Variants in ATIC observed in about 807,000 individuals in gnomAD.
ATIC encodes the protein bifunctional purine biosynthesis protein ATIC.
Under a neutral mutation model 72.5 loss-of-function variants are expected in ATIC, and 64 were observed. The observed-to-expected ratio is 0.88, with a 90% CI of 0.72 to 1.09. The LOEUF (loss-of-function observed/expected upper bound fraction) is 1.09, where lower values mean the gene tolerates loss of function less well. Ranked by LOEUF, ATIC falls within the 50% of genes least tolerant of loss-of-function variation. The pLI is 0.00. For synonymous variants in ATIC, 281 were observed against 267.1 expected, an observed-to-expected ratio of 1.05 and a Z score of -0.51; for missense variants, 787 against 732.4, an observed-to-expected ratio of 1.07 and a Z score of -0.86.
intron 11 of ATIC, among the ~76,000 whole-genome samples, chr2:215,336,834 G>T (rs955175041): frequency 2.0e-5 from 3 of 152,146 alleles, no homozygotes; most frequent in Non-Finnish European, 2.9e-5. Context: ...AATTGATACT[G>T]CCCCTTTTAG....
At chr2:215,322,521 G>A (rs1275958577) in intron 4 of ATIC, among the ~76,000 whole-genome samples, 1 of 150,228 alleles carries the variant, frequency 6.7e-6, no homozygotes, top group Admixed American at 6.6e-5. Flanking sequence ...TAGTAGAGAC[G>A]GGGTTTCTCC....
the ATIC span, among the ~76,000 whole-genome samples, chr2:215,367,207 C>T: frequency 6.6e-6 from 1 of 152,204 alleles, no homozygotes; most frequent in South Asian, 2.1e-4. Flanking sequence ...AAATTCTAAT[C>T]CTAATCTCAA....
chr2:215,361,641 G>T, the ATIC span: 3 of 1,596,332 alleles, frequency 1.9e-6, no homozygotes, highest in Non-Finnish European at 2.6e-6. Context: ...TAAAAAGGAA[G>T]AAGGAAAAAA....
At chr2:215,334,856 T>G in intron 9 of ATIC, 63 bp from the exon 10 acceptor site, 1 of 1,344,308 alleles carries the variant, frequency 7.4e-7, no homozygotes, top group Non-Finnish European at 1.1e-6. Flanking sequence ...AGTGGAGAAT[T>G]TTATTACTTT....
In ATIC at chr2:215,332,482, C is replaced by T; in HGVS notation, c.789C>T (p.Ala263=). ...AGGCTTTAGGTATTCCAGCCGCTGC[C>T]TCTTTCAAACATGTCAGCCCAGCAG... ...LKEALGIPAA[A]SFKHVSPAGA... Residue 263 remains alanine, a synonymous_variant, in exon 8 of 16, where the codon GCC becomes GCT. Coordinates refer to ENST00000236959, the MANE Select transcript of ATIC (RefSeq NM_004044.7). 6.2e-7 allele frequency: 1 copy of T among 1,614,118 alleles called. No homozygotes were observed. The highest frequency in any genetic ancestry group is 8.5e-7 in the Non-Finnish European group (1 of 1,180,036).
chr2:215,352,767 G>C, downstream of ATIC, among the ~76,000 whole-genome samples: 1 of 38,152 alleles, frequency 2.6e-5, no homozygotes, highest in African/African-American at 4.6e-5. Flanking sequence ...CCCAAGCCTG[G>C]TACATCATTG....
the ATIC span, chr2:215,365,769 T>A: frequency 5.7e-6 from 3 of 528,210 alleles, no homozygotes; most frequent in Non-Finnish European, 6.4e-6. Context: ...AAAACCCCTA[T>A]AATGGGCCAT....
rs912274700 is a variant in ATIC, at chr2:215,312,511, C to T, written c.33C>T (p.Val11=). The change falls in exon 2 of 16, where the codon GTC becomes GTT. Residue 11 remains valine, a synonymous_variant. Coordinates refer to ENST00000236959, the MANE Select transcript of ATIC (RefSeq NM_004044.7). ...CTTCTCTTTCAGCCTTATTTAGTGT[C>T]TCTGACAAAACCGGCCTTGTGGAAT... The part of the protein sequence containing the change: MAPGQLALFS[V]SDKTGLVEFA... 1.2e-6 allele frequency: 2 copies of T among 1,614,202 alleles called. No individual in the cohort carries two copies. Among genetic ancestry groups the T allele is most frequent in the Non-Finnish European group, 1.7e-6 (2 of 1,180,036 alleles).
the ATIC span, chr2:215,361,875 T>G: frequency 6.8e-7 from 1 of 1,477,224 alleles, no homozygotes; most frequent in Non-Finnish European, 9.1e-7. Context: ...TTTTTTTTAA[T>G]TAATTAAAAC....
the ATIC span, chr2:215,363,363 TGTAA>T: frequency 6.7e-6 from 1 of 149,454 alleles, no homozygotes; most frequent in African/African-American, 2.4e-5. Context: ...TCACAGTCGT[TGTAA>T]GTGTTAATGG....
At chr2:215,357,581 T>G in the ATIC span, among the ~76,000 whole-genome samples, 2 of 152,256 alleles carry the variant, frequency 1.3e-5, no homozygotes, top group African/African-American at 2.4e-5. Flanking sequence ...TTTGGGACTT[T>G]CGGCTGAAGC....
intron 7 of ATIC, among the ~76,000 whole-genome samples, chr2:215,331,014 G>T (rs1194544100): frequency 1.3e-5 from 2 of 152,268 alleles, no homozygotes; most frequent in East Asian, 3.9e-4. Flanking sequence ...GTGTATGAAT[G>T]TACCACAGTT....
At chr2:215,341,949 A>G (rs564666712) in intron 12 of ATIC, among the ~76,000 whole-genome samples, 78 of 152,290 alleles carry the variant, frequency 5.1e-4, no homozygotes, top group African/African-American at 1.8e-3. Flanking sequence ...TCATGGCAGA[A>G]GGCACCTCTT....
In ATIC at chr2:215,325,606, A is replaced by C. The variant is rs573688800; in HGVS notation, c.379+277A>C. ...GAGATGAAGTCTTGCTGTGTCACCC[A>C]GGCTGGAGTACAGTGGCACAGTTTT... On this transcript the variant is annotated intron_variant, in intron 5 of 15. Coordinates refer to ENST00000236959, the MANE Select transcript of ATIC (RefSeq NM_004044.7). 2.3e-3 allele frequency among the ~76,000 whole-genome samples: 342 copies of C among 151,970 alleles called. 1 individual carries two copies. The highest frequency in any genetic ancestry group is 3.3e-3 in the Non-Finnish European group (221 of 67,994).
intron 4 of ATIC, 27 bp downstream of exon 4, chr2:215,319,758 C>G (rs767062809): frequency 1.9e-6 from 3 of 1,564,542 alleles, no homozygotes; most frequent in Non-Finnish European, 2.6e-6. Context: ...AAACTTTTAA[C>G]ACATTACGAA....
In ATIC at chr2:215,338,778, G is replaced by T; in HGVS notation, c.1099-1G>T. Reference sequence around the variant, plus strand: ...TTTAACTTTTAAAATTTGTATTTTAGATGGACCAATCTTACAAACCAGATG... The same window carrying T: ...TTTAACTTTTAAAATTTGTATTTTATATGGACCAATCTTACAAACCAGATG... On this transcript the variant is annotated splice_acceptor_variant, in intron 11 of 15. Transcript: ENST00000236959. LOFTEE classifies it high-confidence loss of function. The T allele has an allele frequency of 6.2e-7, 1 of 1,613,312 alleles. No individual in the cohort carries two copies. The highest frequency in any genetic ancestry group is 8.5e-7 in the Non-Finnish European group (1 of 1,179,576).
At chr2:215,318,331 G>T in intron 3 of ATIC, 98 bp downstream of exon 3, 2 of 1,137,262 alleles carry the variant, frequency 1.8e-6, no homozygotes, top group South Asian at 1.2e-5. Context: ...AGGCTCAAGA[G>T]AAATTTACAT....
intron 9 of ATIC, among the ~76,000 whole-genome samples, 191 bp downstream of exon 9, chr2:215,333,648 A>G (rs1233193902): frequency 6.6e-6 from 1 of 152,072 alleles, no homozygotes; most frequent in African/African-American, 2.4e-5. Flanking sequence ...AAAGTAAAAT[A>G]CCCTTTGTTT....
In ATIC at chr2:215,325,269, G is replaced by A. The variant is rs1428875347; in HGVS notation, c.319G>A (p.Val107Ile). 6.2e-7 allele frequency: 1 copy of A among 1,613,850 alleles called. No homozygotes were observed. The highest frequency in any genetic ancestry group is 1.1e-5 in the South Asian group (1 of 91,072). The stretch of plus-strand genomic sequence containing the variant: ...TGTTGCCTGCAATCTCTATCCCTTT[G>A]TAAAGACAGTGGCTTCTCCAGGTGT... The part of the protein sequence containing the change: ...RVVACNLYPF[V>I]KTVASPGVTV... Residue 107 changes from valine (V) to isoleucine (I), a missense_variant, in exon 5 of 16, where the codon GTA becomes ATA. Val to Ile is a conservative substitution (Grantham distance 29). Coordinates refer to ENST00000236959, the MANE Select transcript of ATIC (RefSeq NM_004044.7).
Sources: gnomAD v4.1 joint callset for allele counts (sites outside exome capture counted in the v4.1 genomes callset) on GRCh38, gnomAD v4.1.1 for gene constraint, MANE v1.5 for transcripts, NCBI Gene and HGNC (gene_info 2026-07-23, HGNC 2026-07-21) for gene names.